UBALD2: variants seen among roughly 807,000 people sequenced by gnomAD.
UBALD2 encodes UBA-like domain-containing protein 2.
In UBALD2, 8 loss-of-function variants were observed where a neutral mutation model predicts 15.9. The observed-to-expected ratio is 0.50, with a 90% confidence interval of 0.29 to 0.91. The LOEUF (loss-of-function observed/expected upper bound fraction) is 0.91. UBALD2 is among the 40% of genes least tolerant of loss of function. UBALD2 has a pLI of 0.07. For missense variants in UBALD2, 178 were observed against 234.8 expected (o/e 0.76, Z 1.58); for synonymous variants, 113 against 97.7 (o/e 1.16, Z -0.93).
rs1159026927 is a variant in UBALD2 at position 76,270,636 on chromosome 17, AAG to A, written c.*133_*134del. On this transcript the variant is annotated 3_prime_UTR_variant, in exon 3 of 3. Transcript: ENST00000327490. ...AAGATCGCACTGGAAGATTTTATAAAAGAATTTTTGTGGGTCGGGGGGACAGT... is the reference window on the plus strand; with the variant it reads ...AAGATCGCACTGGAAGATTTTATAAAAATTTTTGTGGGTCGGGGGGACAGT... The A allele has an allele frequency of 1.1e-6, 1 of 931,988 alleles. No individual in the cohort carries two copies. Among genetic ancestry groups the A allele is most frequent in the East Asian group, 3.2e-5 (1 of 31,434 alleles). 57.7% of individuals were successfully genotyped at this position (931,988 alleles called of 1,614,324 possible). A position where few individuals can be genotyped will look rare whatever the true frequency, so the allele number is the denominator to read the frequency against.
chr17:76,270,559 G>A lies in UBALD2; in HGVS notation c.*54G>A. On this transcript the variant is annotated 3_prime_UTR_variant, in exon 3 of 3. Transcript: ENST00000327490. ...AGCTGGGGGCAGCCCAGGGTTGTGG[G>A]GACACAGGAGGGCCAGGGAGGGGGG... The A allele has an allele frequency of 1.4e-6, 2 of 1,379,352 alleles. No individual in the cohort carries two copies. The highest frequency in any genetic ancestry group is 1.9e-6 in the Non-Finnish European group (2 of 1,066,724). The allele number at this position is 1,379,352 out of a possible 1,614,324, so 85.4% of individuals were successfully genotyped here.
chr17:76,269,225 C>G lies in UBALD2; in HGVS notation c.184-969C>G, dbSNP rs1286967672. 3.3e-5 allele frequency among the ~76,000 whole-genome samples: 5 copies of G among 152,120 alleles called. No individual in the cohort carries two copies. The highest frequency in any genetic ancestry group is 3.3e-4 in the Admixed American group (5 of 15,272). ...TCTTGTTCTCTGTGTTGCCTCTTGC[C>G]CATGCTGCTGACGAGGTGCTCCTGG... On this transcript the variant is annotated intron_variant, in intron 2 of 2. Coordinates refer to ENST00000327490, the MANE Select transcript of UBALD2 (RefSeq NM_182565.4). This position sits in a 1 kb window ranked among gnomAD's most constrained non-coding sequence, Gnocchi z 4.6.
chr17:76,269,837 C>A lies in UBALD2; in HGVS notation c.184-357C>A, dbSNP rs2070572112. Among the ~76,000 whole-genome samples the A allele has an allele frequency of 6.6e-6, 1 of 152,190 alleles. No homozygotes were observed. Among genetic ancestry groups the A allele is most frequent in the African/African-American group, 2.4e-5 (1 of 41,438 alleles). Reference sequence around the variant, plus strand: ...GTGGCTGGTGGGGCAGTCAGCTGGTCTCCCTGCCCAGGGAAGGTGCGGAAC... The same window carrying A: ...GTGGCTGGTGGGGCAGTCAGCTGGTATCCCTGCCCAGGGAAGGTGCGGAAC... On this transcript the variant is annotated intron_variant, in intron 2 of 2. Transcript: ENST00000327490. The surrounding 1 kb of genome is among the most constrained non-coding windows in gnomAD (Gnocchi z 4.6).
intron 2 of UBALD2, among the ~76,000 whole-genome samples, chr17:76,267,166 C>T (rs1171302524): frequency 6.6e-6 from 1 of 152,150 alleles, no homozygotes; most frequent in Non-Finnish European, 1.5e-5. Context: ...AGCTTCCTGC[C>T]ATCTCCTGTC....
chr17:76,269,747 G>A lies in UBALD2; in HGVS notation c.184-447G>A, dbSNP rs1421233293. 6.6e-6 allele frequency among the ~76,000 whole-genome samples: 1 copy of A among 152,206 alleles called. No individual in the cohort carries two copies. ...AGGTGGCTTAACTTTTCCAGGGTTG[G>A]CACAGGAGGGAGAGCCTCCCCGCTG... On this transcript the variant is annotated intron_variant, in intron 2 of 2. Coordinates refer to ENST00000327490, the MANE Select transcript of UBALD2 (RefSeq NM_182565.4). This position sits in a 1 kb window ranked among gnomAD's most constrained non-coding sequence, Gnocchi z 4.6.
At chr17:76,268,906 G>C (rs1465446283) in intron 2 of UBALD2, among the ~76,000 whole-genome samples, 2 of 152,044 alleles carry the variant, frequency 1.3e-5, no homozygotes, top group East Asian at 1.9e-4. Context: ...GCTAATTTTT[G>C]TATTTTTTAA....
In UBALD2 at chr17:76,270,662, G is replaced by C; in HGVS notation, c.*157G>C. Reference sequence around the variant, plus strand: ...AGAATTTTTGTGGGTCGGGGGGACAGTAAACTTCCTGGGCCACGTGGGTCC... The same window carrying C: ...AGAATTTTTGTGGGTCGGGGGGACACTAAACTTCCTGGGCCACGTGGGTCC... On this transcript the variant is annotated 3_prime_UTR_variant, in exon 3 of 3. Transcript: ENST00000327490. 1 of 681,298 alleles carries C rather than the reference G, an allele frequency of 1.5e-6. No individual in the cohort carries two copies. Among genetic ancestry groups the C allele is most frequent in the Admixed American group, 3.8e-5 (1 of 26,032 alleles). The allele number at this position is 681,298 out of a possible 1,614,324, so 42.2% of individuals were successfully genotyped here. A position where few individuals can be genotyped will look rare whatever the true frequency, so the allele number is the denominator to read the frequency against.
rs961895428 is a variant in UBALD2, at chr17:76,270,841, ATGT to A, written c.*340_*342del. 14 of 180,646 alleles carry A rather than the reference ATGT, an allele frequency of 7.7e-5. No homozygotes were observed. Among genetic ancestry groups the A allele is most frequent in the Middle Eastern group, 2.2e-3 (1 of 458 alleles). 11.2% of individuals were successfully genotyped at this position (180,646 alleles called of 1,614,324 possible). A position where few individuals can be genotyped will look rare whatever the true frequency, so the allele number is the denominator to read the frequency against. Reference sequence around the variant, plus strand: ...GCCATGCTGCAGAGCTGATGGAGTGATGTTGTGGGCACAAGGCATCTGTCAGCT... The same window carrying A: ...GCCATGCTGCAGAGCTGATGGAGTGATGTGGGCACAAGGCATCTGTCAGCT... On this transcript the variant is annotated 3_prime_UTR_variant, in exon 3 of 3. Transcript: ENST00000327490.
At chr17:76,268,774 C>A (rs1000114880) in intron 2 of UBALD2, among the ~76,000 whole-genome samples, 4 of 147,686 alleles carry the variant, frequency 2.7e-5, no homozygotes, top group African/African-American at 7.7e-5. Flanking sequence ...TGCTCTGCCA[C>A]CTAGGCTGGA....
chr17:76,268,662 T>C (rs1335129661), intron 2 of UBALD2, among the ~76,000 whole-genome samples: 1 of 151,434 alleles, frequency 6.6e-6, no homozygotes, highest in Non-Finnish European at 1.5e-5. Flanking sequence ...GGTGTGCTAG[T>C]GTCCCCATTC....
rs1453509612 is a variant in UBALD2 at position 76,265,606 on chromosome 17, C to A, written c.101C>A (p.Ala34Glu). The A allele has an allele frequency of 2.3e-6, 3 of 1,309,146 alleles. No homozygotes were observed. Among genetic ancestry groups the A allele is most frequent in the South Asian group, 1.6e-5 (1 of 61,434 alleles). 81.1% of individuals were successfully genotyped at this position (1,309,146 alleles called of 1,614,324 possible). Residue 34 changes from alanine to glutamate, a missense_variant, in exon 1 of 3, where the codon GCG (alanine) becomes GAG (glutamate). Physicochemically the swap from Ala to Glu is moderately radical, Grantham distance 107. Transcript: ENST00000327490. Reference protein sequence around the residue: ...AADQAKQLLQAAHWQFETALS... With the variant: ...AADQAKQLLQEAHWQFETALS... ...GACCAGGCGAAGCAGTTGCTGCAGG[C>A]GGCCCACTGGCAGTTCGAGGTGCGA...
Position 76,271,099 on chromosome 17 carries a change from G to A in UBALD2, c.*594G>A, listed in dbSNP as rs1161735296. ...CCTGCTGAATGTGCAGGGCTGATGT[G>A]GCACTGAGGAGCTGACTTTGGTCAA... On this transcript the variant is annotated 3_prime_UTR_variant, in exon 3 of 3. Coordinates refer to ENST00000327490, the MANE Select transcript of UBALD2 (RefSeq NM_182565.4). 1 of 152,198 alleles carries A rather than the reference G, an allele frequency of 6.6e-6. No individual in the cohort carries two copies. Among genetic ancestry groups the A allele is most frequent in the Non-Finnish European group, 1.5e-5 (1 of 68,080 alleles). 9.4% of individuals were successfully genotyped at this position (152,198 alleles called of 1,614,324 possible). A position where few individuals can be genotyped will look rare whatever the true frequency, so the allele number is the denominator to read the frequency against.
intron 1 of UBALD2, 137 bp from the exon 2 acceptor site, chr17:76,265,770 T>C (rs2143054003): frequency 2.9e-6 from 4 of 1,366,394 alleles, no homozygotes; most frequent in East Asian, 5.9e-5. Context: ...CGGGACCGGC[T>C]CCCCTCTGCA....
chr17:76,269,182 C>G lies in UBALD2; in HGVS notation c.184-1012C>G, dbSNP rs2070567306. On this transcript the variant is annotated intron_variant, in intron 2 of 2. Transcript: ENST00000327490. The surrounding 1 kb of genome is among the most constrained non-coding windows in gnomAD (Gnocchi z 4.6). ...AAAGGGAGAAAGCAGCTTTGAGGTCCCAGCCAGTTTTGTGTGGTCTTGTTC... is the reference window on the plus strand; with the variant it reads ...AAAGGGAGAAAGCAGCTTTGAGGTCGCAGCCAGTTTTGTGTGGTCTTGTTC... Among the ~76,000 whole-genome samples the G allele has an allele frequency of 6.6e-6, 1 of 152,128 alleles. No individual in the cohort carries two copies. Among genetic ancestry groups the G allele is most frequent in the African/African-American group, 2.4e-5 (1 of 41,414 alleles).
intron 2 of UBALD2, among the ~76,000 whole-genome samples, chr17:76,267,190 G>T (rs1250118299): frequency 1.3e-5 from 2 of 152,174 alleles, no homozygotes; most frequent in Non-Finnish European, 2.9e-5. Context: ...GGATCCTTGA[G>T]ATTTCCTTCC....
chr17:76,265,815 G>A, intron 1 of UBALD2, 92 bp from the exon 2 acceptor site: 1 of 1,497,220 alleles, frequency 6.7e-7, no homozygotes, highest in Non-Finnish European at 9.0e-7. Context: ...CCGCGGGCCG[G>A]GCGCGGAGGC....
At chr17:76,266,885 T>G (rs1320258463) in intron 2 of UBALD2, among the ~76,000 whole-genome samples, 1 of 152,116 alleles carries the variant, frequency 6.6e-6, no homozygotes, top group Non-Finnish European at 1.5e-5. Flanking sequence ...TTTTTGGGAT[T>G]TTTAACACTT....
Position 76,270,178 on chromosome 17 carries a change from G to C in UBALD2, c.184-16G>C. 6.2e-7 allele frequency: 1 copy of C among 1,610,120 alleles called. No homozygotes were observed. Among genetic ancestry groups the C allele is most frequent in the Non-Finnish European group, 8.5e-7 (1 of 1,179,600 alleles). On this transcript the variant is annotated splice_polypyrimidine_tract_variant and intron_variant, in intron 2 of 2. Transcript: ENST00000327490. ...CCCCCGAGGCAGCCTCCCCACACCCGTGTTCTCTCCCGCAGATGTGCACTC... is the reference window on the plus strand; with the variant it reads ...CCCCCGAGGCAGCCTCCCCACACCCCTGTTCTCTCCCGCAGATGTGCACTC...
At chr17:76,268,187 A>G (rs2070558576) in intron 2 of UBALD2, among the ~76,000 whole-genome samples, 1 of 152,236 alleles carries the variant, frequency 6.6e-6, no homozygotes, top group Non-Finnish European at 1.5e-5. Context: ...GGACAAAGGT[A>G]CAGGGGACAA....
Sources: allele counts gnomAD v4.1 joint callset (sites outside exome capture counted in the v4.1 genomes callset), GRCh38; gene constraint gnomAD v4.1.1; non-coding constraint Gnocchi (gnomAD v3.1); transcripts MANE v1.5; gene names NCBI Gene and HGNC (gene_info 2026-07-23, HGNC 2026-07-21).